Variants in CCSER2 observed in about 807,000 individuals in gnomAD.
CCSER2 encodes the protein serine-rich coiled-coil domain-containing protein 2.
In CCSER2, 46 loss-of-function variants were observed where a neutral mutation model predicts 92.3. The ratio of observed to expected loss-of-function variants is 0.50; its 90% confidence interval spans 0.39 to 0.64. The LOEUF (loss-of-function observed/expected upper bound fraction) is 0.64, where lower values mean the gene tolerates loss of function less well. CCSER2 is among the 30% of genes least tolerant of loss of function. The pLI is 0.00. For missense variants in CCSER2, 1,244 were observed against 1,238.9 expected (o/e 1.00, Z -0.06); for synonymous variants, 433 against 431.4 (o/e 1.00, Z -0.04).
In CCSER2 at chr10:84,514,507, C is replaced by T. The variant is rs2131893139; in HGVS notation, c.*240C>T. On this transcript the variant is annotated 3_prime_UTR_variant, in exon 10 of 10. Coordinates refer to ENST00000372088, the MANE Select transcript of CCSER2 (RefSeq NM_001284240.2). ...AAAGTTTGCTTACCCATTTCAGAGGCCTGCCAAAGGCCCAAATCATGTTAT... is the reference window on the plus strand; with the variant it reads ...AAAGTTTGCTTACCCATTTCAGAGGTCTGCCAAAGGCCCAAATCATGTTAT... The T allele has an allele frequency of 4.0e-6, 2 of 495,574 alleles. No individual in the cohort carries two copies. The highest frequency in any genetic ancestry group is 3.5e-6 in the Non-Finnish European group (1 of 281,978). The allele number at this position is 495,574 out of a possible 1,614,324, so 30.7% of individuals were successfully genotyped here.
chr10:84,398,629 G>A (rs1465649050), intron 3 of CCSER2, among the ~76,000 whole-genome samples: 1 of 152,042 alleles, frequency 6.6e-6, no homozygotes, highest in Admixed American at 6.6e-5. Flanking sequence ...AAGTTCCTGG[G>A]TGTTAAGGTA....
At position 84,467,418 on chromosome 10, in the gene CCSER2, A is replaced by G. The variant is rs148423167; in HGVS notation, c.2149-2954A>G. Among the ~76,000 whole-genome samples the G allele has an allele frequency of 1.2e-3, 176 of 152,252 alleles. 1 individual carries two copies. Among genetic ancestry groups the G allele is most frequent in the African/African-American group, 3.9e-3 (162 of 41,540 alleles). On this transcript the variant is annotated intron_variant, in intron 7 of 9. Coordinates refer to ENST00000372088, the MANE Select transcript of CCSER2 (RefSeq NM_001284240.2). ...CACACTTCTATTGTATGTCCCACCC[A>G]TAAGTACTTCTAACACAGACTCTCT...
At chr10:84,468,931 G>A (rs1846616873) in intron 7 of CCSER2, among the ~76,000 whole-genome samples, 1 of 152,006 alleles carries the variant, frequency 6.6e-6, no homozygotes, top group African/African-American at 2.4e-5. Flanking sequence ...TAATTACATT[G>A]GGTATTTCAC....
At chr10:84,364,751 T>TTTG (rs1845691322) in intron 1 of CCSER2, among the ~76,000 whole-genome samples, 1 of 151,350 alleles carries the variant, frequency 6.6e-6, no homozygotes, top group African/African-American at 2.4e-5. Flanking sequence ...TTTTTGTTTT[T>TTTG]TTTTTTTTGA....
intron 6 of CCSER2, among the ~76,000 whole-genome samples, chr10:84,460,339 G>A (rs1363270183): frequency 6.7e-6 from 1 of 149,820 alleles, no homozygotes; most frequent in East Asian, 2.0e-4. Flanking sequence ...CCTGACCTCA[G>A]GTGATCCCCC....
intron 9 of CCSER2, among the ~76,000 whole-genome samples, chr10:84,495,675 T>C (rs1357295003): frequency 5.3e-5 from 8 of 152,126 alleles, no homozygotes; most frequent in Admixed American, 1.3e-4. Context: ...TCTTGGTAGA[T>C]TAACCTTTTT....
intron 1 of CCSER2, among the ~76,000 whole-genome samples, chr10:84,369,688 C>T (rs745874623): frequency 2.6e-5 from 4 of 151,794 alleles, no homozygotes; most frequent in Non-Finnish European, 4.4e-5. Flanking sequence ...TTTTTTGTTG[C>T]ATTTGCTTTT....
intron 1 of CCSER2, among the ~76,000 whole-genome samples, chr10:84,336,893 A>G (rs1843868556): frequency 6.6e-6 from 1 of 152,220 alleles, no homozygotes; most frequent in African/African-American, 2.4e-5. Context: ...CATTTTGTAT[A>G]CATTTTGAAG....
chr10:84,457,268 TATATAATATATTATATATTATATA>T (rs1564684462), intron 6 of CCSER2, among the ~76,000 whole-genome samples: 2 of 8,512 alleles, frequency 2.3e-4, no homozygotes, highest in African/African-American at 8.9e-4. Context: ...AAATATATTA[TATATAATATATTATATATTATATA>T]TTATATATAA....
At chr10:84,427,271 C>T (rs1256695538) in intron 5 of CCSER2, among the ~76,000 whole-genome samples, 1 of 152,028 alleles carries the variant, frequency 6.6e-6, no homozygotes, top group South Asian at 2.1e-4. Flanking sequence ...TAGATTGATC[C>T]GTTTATTGAA....
At chr10:84,354,331 T>G (rs948804531) in intron 1 of CCSER2, among the ~76,000 whole-genome samples, 10 of 152,058 alleles carry the variant, frequency 6.6e-5, no homozygotes, top group Non-Finnish European at 1.2e-4. Context: ...TTGAACCTGC[T>G]GTAGTCAGGT....
At position 84,463,955 on chromosome 10, in the gene CCSER2, A is replaced by T. The variant is rs745947874; in HGVS notation, c.2087A>T (p.His696Leu). ...CAGCATGATGGAAGTGGTTCATTGC[A>T]TGATATTCAACTGTCATTGCCATCC... ...LHQHDGSGSL[H>L]DIQLSLPSSP... The change falls in exon 7 of 10, where the codon CAT becomes CTT. Residue 696 changes from histidine to leucine, a missense_variant. Transcript: ENST00000372088. 1 of 1,610,602 alleles carries T rather than the reference A, an allele frequency of 6.2e-7. No individual in the cohort carries two copies. The highest frequency in any genetic ancestry group is 8.5e-7 in the Non-Finnish European group (1 of 1,177,144).
chr10:84,436,634 CAAAA>C (rs71013322), intron 5 of CCSER2, among the ~76,000 whole-genome samples: 1 of 93,920 alleles, frequency 1.1e-5, no homozygotes, highest in Admixed American at 1.0e-4. Context: ...GACTCCGTCT[CAAAA>C]AAAAAAAAAA....
At chr10:84,500,087 A>T in intron 9 of CCSER2, 1 of 1,292,500 alleles carries the variant, frequency 7.7e-7, no homozygotes, top group Admixed American at 2.2e-5. Context: ...CTGCTAAAGC[A>T]GCACTCTCTG....
chr10:84,433,394 A>G (rs1325074297), intron 5 of CCSER2, among the ~76,000 whole-genome samples: 1 of 152,038 alleles, frequency 6.6e-6, no homozygotes, highest in East Asian at 1.9e-4. Context: ...CTCAGGTTAC[A>G]TAAGAAATGA....
At chr10:84,487,419 T>C (rs1847875080) in intron 9 of CCSER2, among the ~76,000 whole-genome samples, 1 of 152,228 alleles carries the variant, frequency 6.6e-6, no homozygotes, top group Admixed American at 6.5e-5. Context: ...TTTTATTTCG[T>C]TGGGCAGTGG....
intron 3 of CCSER2, among the ~76,000 whole-genome samples, chr10:84,376,252 C>T (rs753209401): frequency 1.7e-4 from 26 of 152,102 alleles, no homozygotes; most frequent in Non-Finnish European, 2.5e-4. Flanking sequence ...GTCTGATTTA[C>T]GTACAGTAAA....
At chr10:84,498,026 C>T (rs34663780) in intron 9 of CCSER2, among the ~76,000 whole-genome samples, 3,631 of 152,152 alleles carry the variant, frequency 0.024, 136 homozygotes, top group African/African-American at 0.082. Flanking sequence ...GGGAAAGATC[C>T]AAGGAAAAAA....
At chr10:84,479,809 T>C (rs997240342) in intron 9 of CCSER2, among the ~76,000 whole-genome samples, 32 of 152,248 alleles carry the variant, frequency 2.1e-4, no homozygotes, top group African/African-American at 7.7e-4. Context: ...AGCAGTCTTA[T>C]TTTAGTTGCT....
Sources: allele counts gnomAD v4.1 joint callset (sites outside exome capture counted in the v4.1 genomes callset), GRCh38; gene constraint gnomAD v4.1.1; transcripts MANE v1.5; gene names NCBI Gene and HGNC (gene_info 2026-07-23, HGNC 2026-07-21).